LSAMP: variants seen among roughly 807,000 people sequenced by gnomAD.
LSAMP encodes the protein limbic system-associated membrane protein.
LSAMP carries 7 observed loss-of-function variants against 38.6 expected under a neutral mutation model. That is an observed-to-expected ratio of 0.18 (90% confidence interval 0.10 to 0.34). The LOEUF (loss-of-function observed/expected upper bound fraction) is 0.34, where lower values mean the gene tolerates loss of function less well. LSAMP is among the 10% of genes least tolerant of loss of function. The pLI, the probability that LSAMP is intolerant of heterozygous loss-of-function variation, is 1.00. For synonymous variants in LSAMP, 154 were observed against 166.8 expected (o/e 0.92, Z 0.59); for missense variants, 313 against 420.0 (o/e 0.75, Z 2.23).
intron 6 of LSAMP, among the ~76,000 whole-genome samples, chr3:115,811,750 CAAT>C (rs906843426): frequency 2.0e-5 from 3 of 152,138 alleles, no homozygotes; most frequent in African/African-American, 7.2e-5. Flanking sequence ...GCAACAACAA[CAAT>C]AAGAACGAAA....
intron 1 of LSAMP, among the ~76,000 whole-genome samples, chr3:116,340,732 T>A (rs1273526405): frequency 3.9e-5 from 6 of 152,026 alleles, no homozygotes; most frequent in Non-Finnish European, 7.4e-5. Flanking sequence ...AACAATACTG[T>A]GTGTAAACTC....
At chr3:116,246,228 T>A (rs1045197485) in intron 1 of LSAMP, among the ~76,000 whole-genome samples, 1 of 152,226 alleles carries the variant, frequency 6.6e-6, no homozygotes, top group Non-Finnish European at 1.5e-5. Context: ...ACATTCTTAT[T>A]CTTCCATCAT....
intron 3 of LSAMP, among the ~76,000 whole-genome samples, chr3:115,981,143 T>A (rs1388633567): frequency 6.6e-6 from 1 of 152,122 alleles, no homozygotes; most frequent in East Asian, 1.9e-4. Context: ...TGCTGCATCA[T>A]GGAAAATACA....
intron 1 of LSAMP, among the ~76,000 whole-genome samples, chr3:116,347,807 T>C (rs1190989685): frequency 6.6e-6 from 1 of 152,072 alleles, no homozygotes; most frequent in Non-Finnish European, 1.5e-5. Flanking sequence ...AATAGAAATA[T>C]TATATTTTAA....
intron 6 of LSAMP, chr3:115,834,567 A>G (rs1934722874): frequency 7.8e-7 from 1 of 1,282,992 alleles, no homozygotes; most frequent in African/African-American, 1.5e-5. Flanking sequence ...CTGACCTTGA[A>G]TGGGGTGGGG....
chr3:116,420,176 C>T (rs2049102659), intron 1 of LSAMP, among the ~76,000 whole-genome samples: 1 of 151,802 alleles, frequency 6.6e-6, no homozygotes, highest in Admixed American at 6.6e-5. Flanking sequence ...CAGCTCACTG[C>T]TACCTCCGCC....
chr3:116,032,809 A>T (rs1404551099), intron 2 of LSAMP, among the ~76,000 whole-genome samples: 1 of 152,088 alleles, frequency 6.6e-6, no homozygotes, highest in Non-Finnish European at 1.5e-5. Context: ...CTCCAAAAAA[A>T]TTTAAATAAA....
intron 2 of LSAMP, among the ~76,000 whole-genome samples, chr3:116,080,346 C>G (rs1338927390): frequency 6.6e-6 from 1 of 152,150 alleles, no homozygotes; most frequent in Non-Finnish European, 1.5e-5. Flanking sequence ...ACTAAGATAA[C>G]TTTTTCTCTT....
At chr3:116,201,538 T>C (rs1350626893) in intron 1 of LSAMP, among the ~76,000 whole-genome samples, 1 of 152,130 alleles carries the variant, frequency 6.6e-6, no homozygotes, top group African/African-American at 2.4e-5. Context: ...TCTCTCAGAG[T>C]ATTTTGGGCT....
At chr3:116,131,135 CG>C (rs1709123102) in intron 1 of LSAMP, among the ~76,000 whole-genome samples, 1 of 151,918 alleles carries the variant, frequency 6.6e-6, no homozygotes, top group Admixed American at 6.6e-5. Context: ...GGACTACAGG[CG>C]CCCTCCACCT....
At chr3:116,258,128 C>G (rs1576464624) in intron 1 of LSAMP, among the ~76,000 whole-genome samples, 1 of 152,022 alleles carries the variant, frequency 6.6e-6, no homozygotes, top group African/African-American at 2.4e-5. Flanking sequence ...TTATCTCATT[C>G]TCATAAAGGA....
intron 1 of LSAMP, among the ~76,000 whole-genome samples, chr3:116,143,944 A>G (rs1709431186): frequency 1.3e-5 from 2 of 151,920 alleles, no homozygotes; most frequent in Non-Finnish European, 2.9e-5. Flanking sequence ...GACTCTCTTT[A>G]GTGCCATACT....
intron 1 of LSAMP, among the ~76,000 whole-genome samples, chr3:116,208,415 T>G (rs2046100457): frequency 1.3e-5 from 2 of 152,216 alleles, no homozygotes; most frequent in African/African-American, 4.8e-5. Context: ...AAAGTCATTC[T>G]CCGTCTAGCT....
chr3:115,889,415 C>A (rs1936538470), intron 3 of LSAMP, among the ~76,000 whole-genome samples: 1 of 151,806 alleles, frequency 6.6e-6, no homozygotes, highest in African/African-American at 2.4e-5. Flanking sequence ...GATTCTGGTG[C>A]TCCAATTGGG....
chr3:116,036,605 A>G (rs1034598197), intron 2 of LSAMP, among the ~76,000 whole-genome samples: 28 of 152,100 alleles, frequency 1.8e-4, no homozygotes, highest in Non-Finnish European at 4.4e-5. Context: ...CAGGCCCCTA[A>G]CCTATAAGTC....
intron 2 of LSAMP, among the ~76,000 whole-genome samples, chr3:116,037,571 AG>A (rs1941074187): frequency 6.6e-6 from 1 of 152,162 alleles, no homozygotes; most frequent in Admixed American, 6.6e-5. Context: ...GACAGACACA[AG>A]GATTAACTAA....
At chr3:116,421,440 G>A (rs1007426734) in intron 1 of LSAMP, among the ~76,000 whole-genome samples, 3 of 151,788 alleles carry the variant, frequency 2.0e-5, no homozygotes, top group Non-Finnish European at 4.4e-5. Context: ...CATGGTGGTG[G>A]GCGCCTGTAA....
At chr3:116,310,393 T>C (rs982669752) in intron 1 of LSAMP, among the ~76,000 whole-genome samples, 13 of 152,216 alleles carry the variant, frequency 8.5e-5, no homozygotes, top group Non-Finnish European at 2.9e-5. Context: ...AAGGTGCCGA[T>C]TCTCAGTCAA....
chr3:115,813,686 AATC>A (rs1166192709), intron 6 of LSAMP, among the ~76,000 whole-genome samples: 6 of 152,216 alleles, frequency 3.9e-5, no homozygotes, highest in East Asian at 3.8e-4. Flanking sequence ...GTAGTTGGGA[AATC>A]ATCACAAGTG....
Sources: gnomAD v4.1 joint callset for allele counts (sites outside exome capture counted in the v4.1 genomes callset) on GRCh38, gnomAD v4.1.1 for gene constraint, MANE v1.5 for transcripts, NCBI Gene and HGNC (gene_info 2026-07-23, HGNC 2026-07-21) for gene names.